Variants in MACROD2 observed in about 807,000 individuals in gnomAD.
MACROD2 encodes mono-ADP ribosylhydrolase 2.
A neutral mutation model predicts 70.4 loss-of-function variants in MACROD2; 36 were observed. That is an observed-to-expected ratio of 0.51 (90% CI 0.39 to 0.68). MACROD2 has a LOEUF of 0.68. Among genes scored for constraint, MACROD2 ranks in the 30% least tolerant of loss-of-function variants. The pLI, the probability that MACROD2 is intolerant of heterozygous loss-of-function variation, is 0.00. For missense variants in MACROD2, 496 were observed against 538.4 expected (o/e 0.92, Z 0.78); for synonymous variants, 172 against 178.8 (o/e 0.96, Z 0.30).
intron 4 of MACROD2, among the ~76,000 whole-genome samples, chr20:14,501,918 G>C (rs1156873778): frequency 6.6e-6 from 1 of 152,148 alleles, no homozygotes; most frequent in Admixed American, 6.5e-5. Context: ...CAGGTGCCAG[G>C]ATATGTCTAC....
At chr20:14,989,121 C>T (rs573449947) in intron 5 of MACROD2, among the ~76,000 whole-genome samples, 16 of 151,420 alleles carry the variant, frequency 1.1e-4, no homozygotes, top group East Asian at 7.8e-4. Flanking sequence ...TACCATATAG[C>T]GACATATAGA....
intron 8 of MACROD2, among the ~76,000 whole-genome samples, chr20:15,688,841 T>C (rs1005573232): frequency 2.6e-5 from 4 of 152,202 alleles, no homozygotes; most frequent in Non-Finnish European, 2.9e-5. Context: ...CATTAAAATA[T>C]GAAAAACGTA....
intron 3 of MACROD2, among the ~76,000 whole-genome samples, chr20:14,174,774 T>A (rs1417170150): frequency 6.6e-6 from 1 of 152,206 alleles, no homozygotes; most frequent in Non-Finnish European, 1.5e-5. Context: ...TCCCAGTTCC[T>A]TTGGCAGCCC....
At chr20:15,683,951 G>C (rs2050194142) in intron 8 of MACROD2, among the ~76,000 whole-genome samples, 1 of 152,076 alleles carries the variant, frequency 6.6e-6, no homozygotes, top group Admixed American at 6.5e-5. Context: ...AAAATGAATG[G>C]TGCATGAATG....
chr20:15,099,793 G>C (rs1177814556), intron 5 of MACROD2, among the ~76,000 whole-genome samples: 2 of 152,132 alleles, frequency 1.3e-5, no homozygotes, highest in Non-Finnish European at 2.9e-5. Flanking sequence ...GAGAGGTACA[G>C]AGAAAACTTC....
intron 3 of MACROD2, among the ~76,000 whole-genome samples, chr20:14,157,781 A>G (rs1601292248): frequency 6.6e-6 from 1 of 152,184 alleles, no homozygotes; most frequent in Non-Finnish European, 1.5e-5. Flanking sequence ...ATAGCCAAAT[A>G]CTATTCCATT....
At position 15,246,018 on chromosome 20, in the gene MACROD2, G is replaced by A. The variant is rs543091937; in HGVS notation, c.540+15957G>A. On this transcript the variant is annotated intron_variant, in intron 6 of 17. Transcript: ENST00000684519. ...CTTTCTAAAATAACTCATATGCAAT[G>A]GCATGAGTAGACATGTCCAGATGTA... Among the ~76,000 whole-genome samples, 108 of 152,252 alleles carry A rather than the reference G, an allele frequency of 7.1e-4. 2 individuals carry two copies. The South Asian group carries it at 0.022, about 30-fold the overall frequency.
chr20:15,132,823 C>T (rs1029591289), intron 5 of MACROD2, among the ~76,000 whole-genome samples: 1 of 151,894 alleles, frequency 6.6e-6, no homozygotes, highest in Admixed American at 6.6e-5. Flanking sequence ...TTTTAAAATA[C>T]ATCAGGAAGT....
intron 3 of MACROD2, among the ~76,000 whole-genome samples, chr20:14,167,418 T>C (rs1389319400): frequency 6.6e-6 from 1 of 152,072 alleles, no homozygotes; most frequent in Non-Finnish European, 1.5e-5. Flanking sequence ...AGTTTTGCTT[T>C]TGTTGCTCAG....
intron 3 of MACROD2, chr20:14,325,975 G>A (rs777186604): frequency 1.7e-5 from 27 of 1,613,778 alleles, no homozygotes; most frequent in Non-Finnish European, 2.0e-5. Flanking sequence ...ATTGAGGGTG[G>A]TTGTAGGGTT....
At chr20:16,012,252 TG>T (rs957220866) in intron 15 of MACROD2, among the ~76,000 whole-genome samples, 1 of 152,220 alleles carries the variant, frequency 6.6e-6, no homozygotes, top group African/African-American at 2.4e-5. Flanking sequence ...CTCCTTCCTC[TG>T]GGTCTTTGGC....
chr20:14,627,937 C>G (rs1487606111), intron 4 of MACROD2, among the ~76,000 whole-genome samples: 1 of 152,118 alleles, frequency 6.6e-6, no homozygotes, highest in Non-Finnish European at 1.5e-5. Context: ...TTAAAATACA[C>G]TATAATTAAT....
chr20:14,699,464 G>A lies in MACROD2; in HGVS notation c.418+14505G>A, dbSNP rs1055847999. ...AATGCTAGGGACTTTGCAGCAACATGAGAAATCTATTTATTATTTTGTGTC... is the reference window on the plus strand; with the variant it reads ...AATGCTAGGGACTTTGCAGCAACATAAGAAATCTATTTATTATTTTGTGTC... On this transcript the variant is annotated intron_variant, in intron 5 of 17. Coordinates refer to ENST00000684519, the MANE Select transcript of MACROD2 (RefSeq NM_001351661.2). Among the ~76,000 whole-genome samples, 67 of 152,160 alleles carry A rather than the reference G, an allele frequency of 4.4e-4. 1 individual carries two copies. Among genetic ancestry groups the A allele is most frequent in the African/African-American group, 1.6e-3 (67 of 41,444 alleles).
chr20:15,346,095 C>A (rs2078162785), intron 6 of MACROD2, among the ~76,000 whole-genome samples: 2 of 126,334 alleles, frequency 1.6e-5, no homozygotes, highest in African/African-American at 2.9e-5. Context: ...CGAGGCCTGG[C>A]CTAAGGTAAA....
intron 3 of MACROD2, among the ~76,000 whole-genome samples, chr20:14,300,666 A>G (rs774741514): frequency 1.3e-5 from 2 of 152,202 alleles, no homozygotes; most frequent in Non-Finnish European, 2.9e-5. Flanking sequence ...TTCGGACTAC[A>G]TTTTTGGACT....
intron 3 of MACROD2, among the ~76,000 whole-genome samples, chr20:14,260,282 A>C (rs1418980301): frequency 1.3e-5 from 2 of 152,224 alleles, no homozygotes; most frequent in Admixed American, 1.3e-4. Flanking sequence ...GTACATAACA[A>C]AATGAACTAT....
chr20:14,782,071 G>A (rs1185035998), intron 5 of MACROD2, among the ~76,000 whole-genome samples: 2 of 151,836 alleles, frequency 1.3e-5, no homozygotes, highest in African/African-American at 2.4e-5. Flanking sequence ...CTACAGTCAT[G>A]TGCCACCACG....
At chr20:15,177,373 G>T (rs1211611542) in intron 5 of MACROD2, among the ~76,000 whole-genome samples, 2 of 152,188 alleles carry the variant, frequency 1.3e-5, no homozygotes, top group Non-Finnish European at 1.5e-5. Flanking sequence ...TGTTGGGGGT[G>T]GAGTGGAAAG....
At chr20:14,463,255 C>G (rs896168148) in intron 3 of MACROD2, among the ~76,000 whole-genome samples, 18 of 151,900 alleles carry the variant, frequency 1.2e-4, no homozygotes, top group African/African-American at 4.1e-4. Context: ...CTTCACATCC[C>G]TTGTAAGTTG....
Sources: gnomAD v4.1 joint callset for allele counts (sites outside exome capture counted in the v4.1 genomes callset) on GRCh38, gnomAD v4.1.1 for gene constraint, MANE v1.5 for transcripts, NCBI Gene and HGNC (gene_info 2026-07-23, HGNC 2026-07-21) for gene names.